The following MTFR1 variants were observed in gnomAD, a reference collection of about 807,000 sequenced individuals.
The protein encoded by MTFR1 is mitochondrial fission regulator 1.
MTFR1 carries 28 observed loss-of-function variants against 38.8 expected under a neutral mutation model. That is an observed-to-expected ratio of 0.72 (90% CI 0.53 to 0.99). The LOEUF (loss-of-function observed/expected upper bound fraction) is 0.99. Ranked by LOEUF, MTFR1 falls within the 50% of genes least tolerant of loss-of-function variation. The probability of loss-of-function intolerance (pLI) is 0.00; values close to 1 mark genes in which losing one functional copy is unlikely to be tolerated. For synonymous variants in MTFR1, 145 were observed against 137.0 expected (o/e 1.06, Z -0.41); for missense variants, 358 against 395.5 (o/e 0.91, Z 0.81).
At chr8:65,705,810 C>T (rs1390720389) in intron 5 of MTFR1, among the ~76,000 whole-genome samples, 2 of 152,202 alleles carry the variant, frequency 1.3e-5, no homozygotes, top group African/African-American at 4.8e-5. Flanking sequence ...TATTCTTCTT[C>T]CTTTTGCACA....
chr8:65,719,562 T>C, intron 3 of MTFR1: 1 of 1,040,344 alleles, frequency 9.6e-7, no homozygotes, highest in Non-Finnish European at 1.5e-6. Context: ...ACATCATCTA[T>C]ACAACATTAA....
At chr8:65,689,328 GC>G (rs1272974196) in intron 3 of MTFR1, among the ~76,000 whole-genome samples, 4 of 152,000 alleles carry the variant, frequency 2.6e-5, no homozygotes, top group African/African-American at 9.7e-5. Flanking sequence ...TTTATTCTAA[GC>G]TTTTCTACTA....
intron 7 of MTFR1, 70 bp downstream of exon 7, chr8:65,708,081 G>GC (rs1486840196): frequency 6.2e-7 from 1 of 1,604,936 alleles, no homozygotes; most frequent in Non-Finnish European, 8.5e-7. Context: ...CTTGCATTTT[G>GC]CAAGTGATTC....
At chr8:65,762,484 G>A (rs1406791478) in intron 3 of MTFR1, among the ~76,000 whole-genome samples, 1 of 152,162 alleles carries the variant, frequency 6.6e-6, no homozygotes, top group African/African-American at 2.4e-5. Context: ...ACACATCTGA[G>A]TTTGAATCCC....
intron 3 of MTFR1, chr8:65,728,506 A>G (rs1332684586): frequency 1.3e-5 from 2 of 152,216 alleles, no homozygotes; most frequent in Admixed American, 1.3e-4. Context: ...GCATATAATT[A>G]GTACACGGAG....
At chr8:65,719,197 T>C (rs1198903344) in intron 2 of MTFR1, 37 of 809,696 alleles carry the variant, frequency 4.6e-5, no homozygotes, top group Non-Finnish European at 7.0e-5. Context: ...CTTGGAAACC[T>C]TGGCAGTCAA....
intron 3 of MTFR1, among the ~76,000 whole-genome samples, chr8:65,686,456 C>G (rs1805077648): frequency 6.6e-6 from 1 of 151,490 alleles, no homozygotes; most frequent in Non-Finnish European, 1.5e-5. Context: ...CCTGTAATCC[C>G]AGCTACTCAG....
intron 2 of MTFR1, among the ~76,000 whole-genome samples, chr8:65,675,317 C>T (rs928374069): frequency 5.4e-5 from 8 of 149,216 alleles, no homozygotes; most frequent in Admixed American, 2.0e-4. Context: ...ACAAAAAGGC[C>T]GGGCGCGGTG....
chr8:65,677,650 G>T (rs371870766), intron 2 of MTFR1, among the ~76,000 whole-genome samples: 4 of 151,562 alleles, frequency 2.6e-5, no homozygotes, highest in Admixed American at 2.0e-4. Context: ...AAAATGCTGG[G>T]ATTACAGGCG....
At chr8:65,664,923 T>G (rs1358229370) in intron 1 of MTFR1, among the ~76,000 whole-genome samples, 1 of 147,044 alleles carries the variant, frequency 6.8e-6, no homozygotes, top group African/African-American at 2.5e-5. Flanking sequence ...TTTCATGCTT[T>G]TAAAAAAAAA....
intron 4 of MTFR1, among the ~76,000 whole-genome samples, chr8:65,702,403 G>A (rs369484154): frequency 4.8e-4 from 72 of 148,902 alleles, no homozygotes; most frequent in African/African-American, 1.7e-3. Context: ...GGGTTCAAGC[G>A]ATTCTCTTGC....
chr8:65,721,868 G>A (rs1806393207), intron 3 of MTFR1: 1 of 149,362 alleles, frequency 6.7e-6, no homozygotes, highest in African/African-American at 2.5e-5. Flanking sequence ...GAATGCAGTG[G>A]CACGATATTG....
chr8:65,685,460 TA>T (rs763035313), intron 3 of MTFR1, among the ~76,000 whole-genome samples: 4 of 152,244 alleles, frequency 2.6e-5, no homozygotes, highest in Non-Finnish European at 4.4e-5. Flanking sequence ...TTCTCTCTGG[TA>T]AACCTAACCC....
At chr8:65,747,898 A>T (rs891537307) in intron 3 of MTFR1, 3 of 612,476 alleles carry the variant, frequency 4.9e-6, no homozygotes, top group Non-Finnish European at 8.1e-6. Flanking sequence ...AAGTATTTTT[A>T]AAAATTCATT....
At chr8:65,686,859 G>T (rs1466415130) in intron 3 of MTFR1, among the ~76,000 whole-genome samples, 1 of 151,742 alleles carries the variant, frequency 6.6e-6, no homozygotes, top group Non-Finnish European at 1.5e-5. Flanking sequence ...GGGAACTGGA[G>T]GTTGTAATGA....
chr8:65,758,376 G>T (rs1320438431), intron 3 of MTFR1, among the ~76,000 whole-genome samples: 1 of 152,084 alleles, frequency 6.6e-6, no homozygotes, highest in African/African-American at 2.4e-5. Context: ...CAGGTAAGGG[G>T]GAAAAAATGT....
chr8:65,751,199 C>A (rs78843427), intron 3 of MTFR1, among the ~76,000 whole-genome samples: 2 of 152,250 alleles, frequency 1.3e-5, no homozygotes, highest in Admixed American at 1.3e-4. Context: ...GAAAATCCCA[C>A]GAGACTTTGC....
intron 2 of MTFR1, 110 bp from the exon 3 acceptor site, chr8:65,682,243 T>C: frequency 2.3e-6 from 1 of 427,296 alleles, no homozygotes; most frequent in Non-Finnish European, 4.2e-6. Context: ...TAGAGCATTC[T>C]GATCCTGTAA....
intron 3 of MTFR1, among the ~76,000 whole-genome samples, chr8:65,731,289 C>T (rs1459997139): frequency 6.6e-6 from 1 of 152,118 alleles, no homozygotes; most frequent in Non-Finnish European, 1.5e-5. Flanking sequence ...TTGCTGACAT[C>T]AAAGGGAAGG....
Sources: allele counts gnomAD v4.1 joint callset (sites outside exome capture counted in the v4.1 genomes callset), GRCh38; gene constraint gnomAD v4.1.1; transcripts MANE v1.5; gene names NCBI Gene and HGNC (gene_info 2026-07-23, HGNC 2026-07-21).